Variants in TSKU observed in about 807,000 individuals in gnomAD.
TSKU encodes tsukushi.
A neutral mutation model predicts 11.2 loss-of-function variants in TSKU; 4 were observed. The ratio of observed to expected loss-of-function variants is 0.36; its 90% CI spans 0.18 to 0.82. The LOEUF is 0.82. Among genes scored for constraint, TSKU ranks in the 40% least tolerant of loss-of-function variants. The pLI, the probability that TSKU is intolerant of heterozygous loss-of-function variation, is 0.50. For synonymous variants in TSKU, 220 were observed against 232.2 expected (o/e 0.95, Z 0.48); for missense variants, 407 against 482.5 (o/e 0.84, Z 1.47).
chr11:76,789,709 A>G (rs913153793), intron 1 of TSKU, among the ~76,000 whole-genome samples: 2 of 152,218 alleles, frequency 1.3e-5, no homozygotes, highest in African/African-American at 4.8e-5. Context: ...AGATTTGGAA[A>G]AAAATGTTGA....
chr11:76,789,560 A>G (rs2134392518), intron 1 of TSKU, among the ~76,000 whole-genome samples: 1 of 152,328 alleles, frequency 6.6e-6, no homozygotes, highest in Non-Finnish European at 1.5e-5. Context: ...CCAACAATGC[A>G]TGATTCATGG....
chr11:76,783,453 A>AT (rs1211698096), intron 1 of TSKU, 49 bp downstream of exon 1: 3 of 151,982 alleles, frequency 2.0e-5, no homozygotes, highest in Non-Finnish European at 2.9e-5. Flanking sequence ...GCGGTTGAAG[A>AT]TCCCAAGTCC....
At chr11:76,792,585 A>G (rs1160169723) in intron 1 of TSKU, 1 of 152,234 alleles carries the variant, frequency 6.6e-6, no homozygotes, top group African/African-American at 2.4e-5. Context: ...GTGGGAGGTA[A>G]TTGAATCATG....
intron 1 of TSKU, among the ~76,000 whole-genome samples, chr11:76,785,646 A>G (rs906412547): frequency 1.3e-5 from 2 of 152,242 alleles, no homozygotes; most frequent in Non-Finnish European, 2.9e-5. Flanking sequence ...CTGGGAAGGC[A>G]GGGACCAAAT....
At chr11:76,786,904 A>G (rs1944318015) in intron 1 of TSKU, among the ~76,000 whole-genome samples, 1 of 152,076 alleles carries the variant, frequency 6.6e-6, no homozygotes, top group African/African-American at 2.4e-5. Flanking sequence ...TCTGGGATGA[A>G]TTGTGGATTC....
Position 76,795,900 on chromosome 11 carries a change from T to C in TSKU, c.284T>C (p.Leu95Pro), listed in dbSNP as rs746610558. ...GCTGGCCTGGATCTCAGCCACAACC[T>C]GCTCACCAGCATCTCACCCACTGCC... Reference protein sequence around the residue: ...TLAGLDLSHNLLTSISPTAFS... With the variant: ...TLAGLDLSHNPLTSISPTAFS... Residue 95 changes from leucine (L) to proline (P), a missense_variant, in exon 2 of 2, where the codon CTG (leucine) becomes CCG (proline). Physicochemically the swap from Leu to Pro is moderately conservative, Grantham distance 98. Transcript: ENST00000333090. 4 of 1,613,776 alleles carry C rather than the reference T, an allele frequency of 2.5e-6. No homozygotes were observed. Among genetic ancestry groups the C allele is most frequent in the African/African-American group, 1.3e-5 (1 of 74,910 alleles).
intron 1 of TSKU, among the ~76,000 whole-genome samples, chr11:76,794,308 G>A (rs188498650): frequency 6.6e-6 from 1 of 152,330 alleles, no homozygotes; most frequent in African/African-American, 2.4e-5. Flanking sequence ...GTGACCATTA[G>A]ATGTGACAAC....
intron 1 of TSKU, among the ~76,000 whole-genome samples, chr11:76,787,663 G>A (rs1409788142): frequency 1.3e-5 from 2 of 152,206 alleles, no homozygotes; most frequent in Non-Finnish European, 2.9e-5. Flanking sequence ...TTCACGTGGT[G>A]TCTGCTCTGT....
chr11:76,797,081 G>T lies in TSKU; in HGVS notation c.*403G>T, dbSNP rs1218702256. On this transcript the variant is annotated 3_prime_UTR_variant, in exon 2 of 2. Transcript: ENST00000333090. ...GGCTGAGTGTCCCCTTGGGCCCATG[G>T]CCCAGTCACTCAGGGGCGAGTTTCT... 5.4e-6 allele frequency: 1 copy of T among 184,422 alleles called. No homozygotes were observed. The highest frequency in any genetic ancestry group is 2.4e-5 in the African/African-American group (1 of 42,194). 11.4% of individuals were successfully genotyped at this position (184,422 alleles called of 1,614,324 possible). A position where few individuals can be genotyped will look rare whatever the true frequency, so the allele number is the denominator to read the frequency against.
intron 1 of TSKU, among the ~76,000 whole-genome samples, chr11:76,789,770 G>A (rs1180505211): frequency 6.6e-6 from 1 of 152,230 alleles, no homozygotes; most frequent in East Asian, 1.9e-4. Flanking sequence ...GTGGCTACCA[G>A]TCTTCATTTC....
chr11:76,796,256 G>T lies in TSKU; in HGVS notation c.640G>T (p.Gly214Trp), dbSNP rs1364478446. ...DLPLRYLSLDGNPLAVIGPGA... is the reference protein window; with the variant it reads ...DLPLRYLSLDWNPLAVIGPGA... ...GCCCCTGCGCTACCTGAGCCTGGAT[G>T]GGAACCCTCTAGCTGTCATTGGTCC... Residue 214 changes from glycine (G) to tryptophan (W), a missense_variant, in exon 2 of 2, where the codon GGG (glycine) becomes TGG (tryptophan). Transcript: ENST00000333090. The surrounding 1 kb of genome is among the most constrained non-coding windows in gnomAD (Gnocchi z 4.1). 6.2e-7 allele frequency: 1 copy of T among 1,613,334 alleles called. No individual in the cohort carries two copies. The highest frequency in any genetic ancestry group is 8.5e-7 in the Non-Finnish European group (1 of 1,179,988).
intron 1 of TSKU, among the ~76,000 whole-genome samples, chr11:76,784,873 C>T (rs979896561): frequency 3.3e-5 from 5 of 152,144 alleles, no homozygotes; most frequent in African/African-American, 1.2e-4. Context: ...TTGTCGGATG[C>T]TGCAGACATG....
Position 76,795,921 on chromosome 11 carries a change from C to T in TSKU, c.305C>T (p.Thr102Ile). 3 of 1,613,994 alleles carry T rather than the reference C, an allele frequency of 1.9e-6. No individual in the cohort carries two copies. Among genetic ancestry groups the T allele is most frequent in the Non-Finnish European group, 2.5e-6 (3 of 1,180,040 alleles). ...AACCTGCTCACCAGCATCTCACCCA[C>T]TGCCTTCTCCCGCCTTCGCTACCTG... is the stretch of plus-strand genomic sequence containing the variant. ...SHNLLTSISP[T>I]AFSRLRYLES... Residue 102 changes from threonine to isoleucine, a missense_variant, in exon 2 of 2, where the codon ACT becomes ATT. Coordinates refer to ENST00000333090, the MANE Select transcript of TSKU (RefSeq NM_015516.4).
At chr11:76,787,733 CAGT>C (rs756295866) in intron 1 of TSKU, among the ~76,000 whole-genome samples, 197 of 152,320 alleles carry the variant, frequency 1.3e-3, no homozygotes, top group Non-Finnish European at 9.3e-4. Context: ...TCCCTGCCCA[CAGT>C]AGGATAGACA....
chr11:76,788,754 G>A lies in TSKU; in HGVS notation c.-9+5350G>A, dbSNP rs148309554. On this transcript the variant is annotated intron_variant, in intron 1 of 1. Coordinates refer to ENST00000333090, the MANE Select transcript of TSKU (RefSeq NM_015516.4). ...CTGGTCTGGGTCTTGCGGTTGACCCGTTCATCCTGCTCTTCCTCCACACAC... is the reference window on the plus strand; with the variant it reads ...CTGGTCTGGGTCTTGCGGTTGACCCATTCATCCTGCTCTTCCTCCACACAC... 3.3e-3 allele frequency among the ~76,000 whole-genome samples: 507 copies of A among 152,278 alleles called. 1 individual carries two copies. Among genetic ancestry groups the A allele is most frequent in the African/African-American group, 0.011 (453 of 41,548 alleles).
chr11:76,794,069 G>A (rs562721666), intron 1 of TSKU, among the ~76,000 whole-genome samples: 1 of 152,294 alleles, frequency 6.6e-6, no homozygotes, highest in Non-Finnish European at 1.5e-5. Flanking sequence ...CCAGAGCAGG[G>A]CCACCCAGAT....
Position 76,796,343 on chromosome 11 carries a change from C to A in TSKU, c.727C>A (p.Pro243Thr). 1 of 1,613,350 alleles carries A rather than the reference C, an allele frequency of 6.2e-7. No individual in the cohort carries two copies. The highest frequency in any genetic ancestry group is 8.5e-7 in the Non-Finnish European group (1 of 1,180,004). The stretch of plus-strand genomic sequence containing the variant: ...GTCTCTGGCCAGCCTGCAGAGGCTC[C>A]CTGAGCTGGCGCCCAGTGGCTTCCG... ...HLSLASLQRL[P>T]ELAPSGFREL... The change falls in exon 2 of 2, where the codon CCT (proline) becomes ACT (threonine). Residue 243 changes from proline to threonine, a missense_variant. Pro to Thr is a conservative substitution (Grantham distance 38). Transcript: ENST00000333090. The surrounding 1 kb of genome is among the most constrained non-coding windows in gnomAD (Gnocchi z 4.1).
chr11:76,792,381 TG>T (rs1371155407), intron 1 of TSKU: 1 of 152,214 alleles, frequency 6.6e-6, no homozygotes, highest in African/African-American at 2.4e-5. Context: ...CATTGGACTG[TG>T]GACTTTTGGG....
intron 1 of TSKU, among the ~76,000 whole-genome samples, chr11:76,788,039 G>A (rs762466005): frequency 1.3e-5 from 2 of 152,188 alleles, no homozygotes; most frequent in African/African-American, 2.4e-5. Context: ...TCAGGGCTCC[G>A]GGAGTCTGGC....
Sources: allele counts gnomAD v4.1 joint callset (sites outside exome capture counted in the v4.1 genomes callset), GRCh38; gene constraint gnomAD v4.1.1; non-coding constraint Gnocchi (gnomAD v3.1); transcripts MANE v1.5; gene names NCBI Gene and HGNC (gene_info 2026-07-23, HGNC 2026-07-21).